Variants in PITPNM2 observed in about 807,000 individuals in gnomAD.
PITPNM2 encodes phosphatidylinositol transfer protein membrane associated 2, also known as membrane-associated phosphatidylinositol transfer protein 2.
A neutral mutation model predicts 132.2 loss-of-function variants in PITPNM2; 35 were observed. The observed-to-expected ratio is 0.26, with a 90% CI of 0.20 to 0.35. PITPNM2 has a LOEUF of 0.35. Among genes scored for constraint, PITPNM2 ranks in the 10% least tolerant of loss-of-function variants. The pLI, the probability that PITPNM2 is intolerant of heterozygous loss-of-function variation, is 1.00. For missense variants in PITPNM2, 1,332 were observed against 1,912.0 expected (o/e 0.70, Z 5.66); for synonymous variants, 738 against 799.2 (o/e 0.92, Z 1.29).
At chr12:123,145,403 C>G (rs1433399761) in intron 1 of PITPNM2, among the ~76,000 whole-genome samples, 1 of 152,124 alleles carries the variant, frequency 6.6e-6, no homozygotes, top group Non-Finnish European at 1.5e-5. Flanking sequence ...GGTCCTGCTG[C>G]TGCTCTGATA....
intron 4 of PITPNM2, among the ~76,000 whole-genome samples, chr12:123,013,353 C>G (rs904341338): frequency 3.3e-5 from 5 of 152,238 alleles, no homozygotes; most frequent in East Asian, 1.9e-4. Context: ...AGTGAAGAAC[C>G]CTCTGCCAGG....
rs754624687 is a variant in PITPNM2, at chr12:123,031,925, C to G, written c.78+2588G>C. Among the ~76,000 whole-genome samples, 7 of 152,222 alleles carry G rather than the reference C, an allele frequency of 4.6e-5. No individual in the cohort carries two copies. Among genetic ancestry groups the G allele is most frequent in the Non-Finnish European group, 7.3e-5 (5 of 68,044 alleles). Reference sequence around the variant, plus strand: ...CCCTTAGAGGCCACAGTGTCTCTGCCTAGCTGGGGAGGATGCCCATCTGTC... The same window carrying G: ...CCCTTAGAGGCCACAGTGTCTCTGCGTAGCTGGGGAGGATGCCCATCTGTC... On this transcript the variant is annotated intron_variant, in intron 3 of 25. Coordinates refer to ENST00000320201, the MANE Select transcript of PITPNM2 (RefSeq NM_020845.3). This position sits in a 1 kb window ranked among gnomAD's most constrained non-coding sequence, Gnocchi z 4.5.
chr12:123,065,256 G>C (rs1159879026), intron 2 of PITPNM2, among the ~76,000 whole-genome samples: 1 of 152,254 alleles, frequency 6.6e-6, no homozygotes, highest in African/African-American at 2.4e-5. Flanking sequence ...GGTCCCCGAT[G>C]GCATCCAGGG....
At chr12:123,126,977 A>G (rs1183058610) in intron 1 of PITPNM2, among the ~76,000 whole-genome samples, 1 of 152,160 alleles carries the variant, frequency 6.6e-6, no homozygotes, top group Non-Finnish European at 1.5e-5. Flanking sequence ...TCGTCCAAAC[A>G]CTGCCCTCAG....
At chr12:123,081,974 G>A (rs2041978995) in intron 2 of PITPNM2, 1 of 152,388 alleles carries the variant, frequency 6.6e-6, no homozygotes, top group East Asian at 1.9e-4. Context: ...AACTCCTGTT[G>A]TGCTGAGCCC....
chr12:123,054,535 C>T (rs1395285837), intron 2 of PITPNM2, among the ~76,000 whole-genome samples: 1 of 152,178 alleles, frequency 6.6e-6, no homozygotes, highest in Non-Finnish European at 1.5e-5. Context: ...GGGAAGCTGT[C>T]GGCAGCTGTG....
chr12:123,023,336 C>T lies in PITPNM2; in HGVS notation c.79-9294G>A, dbSNP rs1283119807. Among the ~76,000 whole-genome samples, 1 of 152,196 alleles carries T rather than the reference C, an allele frequency of 6.6e-6. No individual in the cohort carries two copies. Among genetic ancestry groups the T allele is most frequent in the African/African-American group, 2.4e-5 (1 of 41,438 alleles). ...GTGTGTGCATGCAGGAGCCAAGGCC[C>T]ATGGATTCAGGGCTCTTCTGGGTGG... On this transcript the variant is annotated intron_variant, in intron 3 of 25. Transcript: ENST00000320201. This position sits in a 1 kb window ranked among gnomAD's most constrained non-coding sequence, Gnocchi z 4.8.
At chr12:123,086,058 G>C (rs1375710328) in intron 2 of PITPNM2, among the ~76,000 whole-genome samples, 1 of 152,216 alleles carries the variant, frequency 6.6e-6, no homozygotes, top group Admixed American at 6.5e-5. Context: ...CCGATATTCC[G>C]TAACCTGCTT....
In PITPNM2 at chr12:123,106,099, C is replaced by T. The variant is rs2042704276; in HGVS notation, c.-96+4286G>A. On this transcript the variant is annotated intron_variant, in intron 2 of 25. Transcript: ENST00000320201. This position sits in a 1 kb window ranked among gnomAD's most constrained non-coding sequence, Gnocchi z 4.4. ...CATCGCCCAGAAACAATCGTCTTGC[C>T]ACAGGCCCCCTGCTTCTTCTCTTCA... is the stretch of plus-strand genomic sequence containing the variant. Among the ~76,000 whole-genome samples, 1 of 152,220 alleles carries T rather than the reference C, an allele frequency of 6.6e-6. No individual in the cohort carries two copies. The highest frequency in any genetic ancestry group is 1.5e-5 in the Non-Finnish European group (1 of 68,044).
chr12:122,986,664 C>G lies in PITPNM2; in HGVS notation c.3579G>C (p.Leu1193=). The change falls in exon 24 of 26, where the codon CTG becomes CTC. Residue 1193 remains leucine (L), a synonymous_variant. Coordinates refer to ENST00000320201, the MANE Select transcript of PITPNM2 (RefSeq NM_020845.3). ...GCCCCACCTCGGAGATGAGCAGCTT[C>G]AGGAAGTTGGCCTTGTGCCGCAGCG... ...HDPLRHKANF[L]KLLISELHLR... 6.2e-7 allele frequency: 1 copy of G among 1,613,268 alleles called. No individual in the cohort carries two copies. The highest frequency in any genetic ancestry group is 1.1e-5 in the South Asian group (1 of 91,080).
chr12:123,094,768 G>C (rs2042363357), intron 2 of PITPNM2, among the ~76,000 whole-genome samples: 1 of 152,174 alleles, frequency 6.6e-6, no homozygotes, highest in African/African-American at 2.4e-5. Flanking sequence ...CGAGGGCAGG[G>C]AAGGCCAGGT....
chr12:123,076,848 G>A (rs1042824756), intron 2 of PITPNM2, among the ~76,000 whole-genome samples: 4 of 152,056 alleles, frequency 2.6e-5, no homozygotes, highest in East Asian at 1.9e-4. Context: ...GCTAAATCCG[G>A]TTTCTTTGGC....
In PITPNM2 at chr12:123,034,653, T is replaced by C; in HGVS notation, c.-63A>G. ...AGTTGGGACTTCTAGGCAAGGTTCCTTAAATAACCATGACAAAATTCACCA... is the reference window on the plus strand; with the variant it reads ...AGTTGGGACTTCTAGGCAAGGTTCCCTAAATAACCATGACAAAATTCACCA... On this transcript the variant is annotated 5_prime_UTR_variant, in exon 3 of 26. An upstream open reading frame in the 5' UTR loses its in-frame stop. Transcript: ENST00000320201. 1 of 1,456,638 alleles carries C rather than the reference T, an allele frequency of 6.9e-7. No individual in the cohort carries two copies. The highest frequency in any genetic ancestry group is 2.3e-5 in the East Asian group (1 of 44,142). 90.2% of individuals were successfully genotyped at this position (1,456,638 alleles called of 1,614,324 possible).
chr12:123,104,365 G>T (rs960678589), intron 2 of PITPNM2, among the ~76,000 whole-genome samples: 5 of 152,190 alleles, frequency 3.3e-5, no homozygotes, highest in Admixed American at 1.3e-4. Context: ...ACGCCCAGAC[G>T]GCCTGAAGTA....
rs867907865 is a variant in PITPNM2 at position 123,077,245 on chromosome 12, T to A, written c.-96+33140A>T. Among the ~76,000 whole-genome samples, 15 of 152,164 alleles carry A rather than the reference T, an allele frequency of 9.9e-5. No individual in the cohort carries two copies. The highest frequency in any genetic ancestry group is 3.6e-4 in the African/African-American group (15 of 41,432). ...GCAGACGATCCTCCCTACACCACCTTCTTGGAAATCTTGGTTATGGGGGAT... is the reference window on the plus strand; with the variant it reads ...GCAGACGATCCTCCCTACACCACCTACTTGGAAATCTTGGTTATGGGGGAT... On this transcript the variant is annotated intron_variant, in intron 2 of 25. Transcript: ENST00000320201. This position sits in a 1 kb window ranked among gnomAD's most constrained non-coding sequence, Gnocchi z 4.8.
chr12:123,140,771 A>T (rs2043489779), intron 1 of PITPNM2, among the ~76,000 whole-genome samples: 1 of 152,078 alleles, frequency 6.6e-6, no homozygotes. Flanking sequence ...CTACAGGTGC[A>T]TGGCTGGACA....
chr12:123,112,561 T>C (rs369547216), intron 1 of PITPNM2, among the ~76,000 whole-genome samples: 85 of 149,984 alleles, frequency 5.7e-4, no homozygotes, highest in Middle Eastern at 3.5e-3. Context: ...TTTTTTGAGA[T>C]GGAGTCTTGC....
Position 123,005,547 on chromosome 12 carries a change from T to C in PITPNM2, c.645A>G (p.Gly215=), listed in dbSNP as rs752505944. The change falls in exon 7 of 26, where the codon GGA becomes GGG. Residue 215 remains glycine (G), a splice_region_variant and synonymous_variant. Transcript: ENST00000320201. The surrounding 1 kb of genome is among the most constrained non-coding windows in gnomAD (Gnocchi z 6.2). The stretch of plus-strand genomic sequence containing the variant: ...GAGCCCGCACCATCACCCTCCGTAG[T>C]CCTGTGCCCCATGGGGATCAGAGAG... ...SKIERFIHDT[G]LRRVMVRAHR... The C allele has an allele frequency of 6.2e-7, 1 of 1,612,032 alleles. No homozygotes were observed. The highest frequency in any genetic ancestry group is 1.1e-5 in the South Asian group (1 of 91,052).
chr12:123,056,882 C>A (rs1041087496), intron 2 of PITPNM2, among the ~76,000 whole-genome samples: 1 of 152,278 alleles, frequency 6.6e-6, no homozygotes, highest in Admixed American at 6.5e-5. Context: ...GGTGGCAGTT[C>A]ACTGAGGTCT....
Sources: gnomAD v4.1 joint callset for allele counts (sites outside exome capture counted in the v4.1 genomes callset) on GRCh38, gnomAD v4.1.1 for gene constraint, Gnocchi (gnomAD v3.1) non-coding constraint, MANE v1.5 for transcripts, NCBI Gene and HGNC (gene_info 2026-07-23, HGNC 2026-07-21) for gene names.